Variants in OTUD7A observed in about 807,000 individuals in gnomAD.
OTUD7A encodes OTU domain-containing protein 7A.
A neutral mutation model predicts 65.7 loss-of-function variants in OTUD7A; 12 were observed. The observed-to-expected ratio is 0.18, with a 90% CI of 0.12 to 0.30. The LOEUF (loss-of-function observed/expected upper bound fraction) is 0.30, where lower values mean the gene tolerates loss of function less well. Ranked by LOEUF, OTUD7A falls within the 10% of genes least tolerant of loss-of-function variation. OTUD7A has a pLI of 1.00. For synonymous variants in OTUD7A, 641 were observed against 586.3 expected, an observed-to-expected ratio of 1.09 and a Z score of -1.35; for missense variants, 1,148 against 1,304.8, an observed-to-expected ratio of 0.88 and a Z score of 1.85.
chr15:31,625,705 C>A (rs1400537377), intron 3 of OTUD7A, among the ~76,000 whole-genome samples: 3 of 152,112 alleles, frequency 2.0e-5, no homozygotes, highest in African/African-American at 7.2e-5. Context: ...AAGACTTCTA[C>A]AGAAATGTCT....
intron 3 of OTUD7A, among the ~76,000 whole-genome samples, chr15:31,629,630 C>T (rs1009666577): frequency 2.1e-4 from 32 of 152,190 alleles, no homozygotes; most frequent in Admixed American, 6.5e-4. Context: ...GGAGGATTCC[C>T]TCTTTTTCTA....
chr15:31,486,165 G>A (rs1384878146), intron 12 of OTUD7A, among the ~76,000 whole-genome samples: 1 of 152,182 alleles, frequency 6.6e-6, no homozygotes, highest in Non-Finnish European at 1.5e-5. Context: ...CTCAGCCCGA[G>A]AGCCTCCTGA....
chr15:31,694,708 C>A (rs1893034922), intron 1 of OTUD7A, among the ~76,000 whole-genome samples: 1 of 152,186 alleles, frequency 6.6e-6, no homozygotes. Context: ...TAAGTGAGAT[C>A]ATGCAGTATT....
At chr15:31,858,343 T>C (rs956032428) in intron 1 of OTUD7A, among the ~76,000 whole-genome samples, 5 of 152,210 alleles carry the variant, frequency 3.3e-5, no homozygotes, top group African/African-American at 1.2e-4. Context: ...TGCCTCTTGC[T>C]GTGCAGTGTG....
At chr15:31,785,818 G>A (rs1895657840) in intron 1 of OTUD7A, among the ~76,000 whole-genome samples, 1 of 152,220 alleles carries the variant, frequency 6.6e-6, no homozygotes, top group South Asian at 2.1e-4. Context: ...ACAAAGTGAG[G>A]AGAGCAGCAC....
At chr15:31,624,763 C>CA (rs1890900897) in intron 3 of OTUD7A, among the ~76,000 whole-genome samples, 1 of 152,084 alleles carries the variant, frequency 6.6e-6, no homozygotes, top group Non-Finnish European at 1.5e-5. Context: ...GGTGATAAGT[C>CA]AGACTCAGGA....
rs988444334 is a variant in OTUD7A, at chr15:31,501,697, T to G, written c.1164A>C (p.Arg388Ser). Reference protein sequence around the residue: ...LVSMEQRDQQREQAVIPLTDS... With the variant: ...LVSMEQRDQQSEQAVIPLTDS... ...CTTGGGAGACAGGCATACCTTGTTC[T>G]CTTTGCTGGTCTCTCTGTTCCATGG... Residue 388 changes from arginine to serine, a missense_variant, in exon 10 of 13, where the codon AGA (arginine) becomes AGC (serine). By Grantham distance (110) the Arg-to-Ser change is moderately radical. Transcript: ENST00000307050. The G allele has an allele frequency of 1.2e-6, 2 of 1,614,084 alleles. No individual in the cohort carries two copies. The highest frequency in any genetic ancestry group is 2.7e-5 in the African/African-American group (2 of 74,926).
At chr15:31,843,710 A>G (rs1164812360) in intron 1 of OTUD7A, among the ~76,000 whole-genome samples, 2 of 152,228 alleles carry the variant, frequency 1.3e-5, no homozygotes, top group Non-Finnish European at 2.9e-5. Context: ...TTTTTCTGCT[A>G]CGCCTAACTC....
chr15:31,718,270 A>C (rs1893646016), intron 1 of OTUD7A, among the ~76,000 whole-genome samples: 1 of 152,158 alleles, frequency 6.6e-6, no homozygotes, highest in Admixed American at 6.5e-5. Context: ...TTTCTCATTA[A>C]ATTTCTCCGC....
At chr15:31,814,225 G>C (rs1446479262) in intron 1 of OTUD7A, among the ~76,000 whole-genome samples, 2 of 152,246 alleles carry the variant, frequency 1.3e-5, no homozygotes, top group Admixed American at 6.5e-5. Flanking sequence ...GGCCATGCAA[G>C]GGTGCTCTAA....
intron 1 of OTUD7A, among the ~76,000 whole-genome samples, chr15:31,769,721 A>C (rs979936798): frequency 3.3e-5 from 5 of 152,222 alleles, no homozygotes; most frequent in African/African-American, 1.2e-4. Context: ...CATAATACAT[A>C]GCATATGATT....
chr15:31,711,070 G>GAAAAAAA (rs201058018), intron 1 of OTUD7A, among the ~76,000 whole-genome samples: 1 of 132,606 alleles, frequency 7.5e-6, no homozygotes, highest in Non-Finnish European at 1.7e-5. Context: ...GCCTGACTAG[G>GAAAAAAA]AAAAAAAAAA....
rs1277038020 is a variant in OTUD7A, at chr15:31,498,434, T to C, written c.1171+3256A>G. ...GAAGAGTACACTGGACAATGTTTGC[T>C]ATAAAAGGAGGGGAGTTGGGATTGT... On this transcript the variant is annotated intron_variant, in intron 10 of 12. Coordinates refer to ENST00000307050, the MANE Select transcript of OTUD7A (RefSeq NM_001382637.1). The surrounding 1 kb of genome is among the most constrained non-coding windows in gnomAD (Gnocchi z 4.2). Among the ~76,000 whole-genome samples the C allele has an allele frequency of 1.3e-5, 2 of 152,224 alleles. No homozygotes were observed. Among genetic ancestry groups the C allele is most frequent in the African/African-American group, 4.8e-5 (2 of 41,456 alleles).
Position 31,815,577 on chromosome 15 carries a change from C to A in OTUD7A, c.-100+54930G>T, listed in dbSNP as rs530069872. Among the ~76,000 whole-genome samples, 20 of 152,356 alleles carry A rather than the reference C, an allele frequency of 1.3e-4. No homozygotes were observed. The South Asian group carries it at 2.1e-3, about 16-fold the overall frequency. The stretch of plus-strand genomic sequence containing the variant: ...TCTGCCACTGGCCTTCTGCCAAAGC[C>A]CGTGAGGGGCTGGAACTGTGTGAGT... On this transcript the variant is annotated intron_variant, in intron 1 of 12. Coordinates refer to ENST00000307050, the MANE Select transcript of OTUD7A (RefSeq NM_001382637.1).
chr15:31,495,499 C>T (rs768805204), intron 10 of OTUD7A, among the ~76,000 whole-genome samples: 3 of 152,134 alleles, frequency 2.0e-5, no homozygotes, highest in Non-Finnish European at 4.4e-5. Context: ...TCTGGATGCC[C>T]CCAACCCCAG....
In OTUD7A at chr15:31,528,802, G is replaced by A. The variant is rs550033156; in HGVS notation, c.653-1494C>T. ...GCCAGGCCAACAGGGGTTCCACAAG[G>A]ACTGCTGGTGAATGTCATGTGGCAG... On this transcript the variant is annotated intron_variant, in intron 6 of 12. Coordinates refer to ENST00000307050, the MANE Select transcript of OTUD7A (RefSeq NM_001382637.1). 8.5e-5 allele frequency among the ~76,000 whole-genome samples: 13 copies of A among 152,376 alleles called. No homozygotes were observed. The South Asian group carries it at 2.7e-3, about 32-fold the overall frequency.
intron 8 of OTUD7A, among the ~76,000 whole-genome samples, chr15:31,523,557 G>A (rs566057485): frequency 2.0e-5 from 3 of 152,250 alleles, no homozygotes; most frequent in East Asian, 1.9e-4. Context: ...AAGCCAGCCC[G>A]CTTGGGGCCT....
At chr15:31,762,542 G>GA (rs1436200113) in intron 1 of OTUD7A, among the ~76,000 whole-genome samples, 1 of 152,252 alleles carries the variant, frequency 6.6e-6, no homozygotes. Flanking sequence ...GTGCATGCAC[G>GA]AATCTAACCC....
intron 1 of OTUD7A, among the ~76,000 whole-genome samples, chr15:31,674,675 C>T (rs1029532624): frequency 2.6e-5 from 4 of 152,198 alleles, no homozygotes; most frequent in African/African-American, 9.7e-5. Context: ...ATCCAGTCTA[C>T]CTGATGGAAA....
Sources: gnomAD v4.1 joint callset for allele counts (sites outside exome capture counted in the v4.1 genomes callset) on GRCh38, gnomAD v4.1.1 for gene constraint, Gnocchi (gnomAD v3.1) non-coding constraint, MANE v1.5 for transcripts, NCBI Gene and HGNC (gene_info 2026-07-23, HGNC 2026-07-21) for gene names.